ARHGEF10: variants seen among roughly 807,000 people sequenced by gnomAD.
ARHGEF10 encodes the protein Rho guanine nucleotide exchange factor (GEF) 10.
In ARHGEF10, 140 loss-of-function variants were observed where a neutral mutation model predicts 147.4. The ratio of observed to expected loss-of-function variants is 0.95; its 90% CI spans 0.83 to 1.09. The LOEUF is 1.09. Ranked by LOEUF, ARHGEF10 falls within the 50% of genes least tolerant of loss-of-function variation. The pLI is 0.00. For missense variants in ARHGEF10, 2,222 were observed against 1,752.7 expected, an observed-to-expected ratio of 1.27 and a Z score of -4.78; for synonymous variants, 902 against 695.8, an observed-to-expected ratio of 1.30 and a Z score of -4.67.
intron 26 of ARHGEF10, among the ~76,000 whole-genome samples, chr8:1,934,740 GA>G (rs1243056887): frequency 6.6e-6 from 1 of 152,172 alleles, no homozygotes; most frequent in African/African-American, 2.4e-5. Context: ...AAACCTCTAA[GA>G]TAAAAAGCAG....
At chr8:1,832,757 GACAGAGGC>G (rs1488073486) in intron 1 of ARHGEF10, among the ~76,000 whole-genome samples, 3,573 of 95,404 alleles carry the variant, frequency 0.037, 501 homozygotes, top group African/African-American at 0.066. Flanking sequence ...CAGAGACAGA[GACAGAGGC>G]AGAGACAGAG....
At position 1,898,429 on chromosome 8, in the gene ARHGEF10, A is replaced by G. The variant is rs751405047; in HGVS notation, c.1558-4A>G. 1.9e-6 allele frequency: 3 copies of G among 1,613,924 alleles called. No individual in the cohort carries two copies. The highest frequency in any genetic ancestry group is 1.7e-6 in the Non-Finnish European group (2 of 1,179,952). On this transcript the variant is annotated splice_region_variant and splice_polypyrimidine_tract_variant and intron_variant, in intron 14 of 28. Transcript: ENST00000349830. ...GGAGGTGACCCCGGTGCCTTCCCCC[A>G]CAGCAGGAACAGGAGGCCAGCCCCG...
At chr8:1,866,907 C>T (rs1806670223) in intron 6 of ARHGEF10, among the ~76,000 whole-genome samples, 1 of 152,100 alleles carries the variant, frequency 6.6e-6, no homozygotes, top group Non-Finnish European at 1.5e-5. Context: ...AAACTCTGAC[C>T]TGCAGCCATG....
At chr8:1,947,446 C>T (rs1319751894) in intron 27 of ARHGEF10, among the ~76,000 whole-genome samples, 1 of 152,196 alleles carries the variant, frequency 6.6e-6, no homozygotes, top group Non-Finnish European at 1.5e-5. Flanking sequence ...CAGAAAGAAA[C>T]TCCTAATCAA....
At chr8:1,823,906 G>A (rs1802563512), upstream of ARHGEF10, 1 of 151,850 alleles carries the variant, frequency 6.6e-6, no homozygotes, top group African/African-American at 2.4e-5. Context: ...ATGGTGGGTG[G>A]AGCAGGCCGT....
chr8:1,834,877 A>T (rs1803485894), intron 1 of ARHGEF10, among the ~76,000 whole-genome samples: 1 of 152,156 alleles, frequency 6.6e-6, no homozygotes, highest in Admixed American at 6.5e-5. Context: ...ATGTCCAGAG[A>T]CCGCGCAGCC....
chr8:1,907,689 G>C (rs1212676120), intron 17 of ARHGEF10, among the ~76,000 whole-genome samples: 1 of 152,180 alleles, frequency 6.6e-6, no homozygotes, highest in Non-Finnish European at 1.5e-5. Flanking sequence ...CTTACTGCTA[G>C]AGGATTCCTT....
chr8:1,877,166 G>A (rs1198499018), intron 8 of ARHGEF10, among the ~76,000 whole-genome samples: 1 of 152,216 alleles, frequency 6.6e-6, no homozygotes, highest in Non-Finnish European at 1.5e-5. Flanking sequence ...AAAGGAAGAC[G>A]TAAAAATAGA....
intron 10 of ARHGEF10, among the ~76,000 whole-genome samples, chr8:1,884,564 G>A (rs536995730): frequency 3.9e-5 from 6 of 152,224 alleles, no homozygotes; most frequent in South Asian, 2.1e-4. Flanking sequence ...TGGCTGATCC[G>A]TTGATCTCTG....
rs537879050 is a variant in ARHGEF10 at position 1,913,919 on chromosome 8, C to T, written c.2143+4449C>T. Among the ~76,000 whole-genome samples the T allele has an allele frequency of 9.2e-5, 14 of 152,322 alleles. No homozygotes were observed. The South Asian group carries it at 2.7e-3, about 29-fold the overall frequency. On this transcript the variant is annotated intron_variant, in intron 18 of 28. Transcript: ENST00000349830. ...CCGTGAGGAGGGTGAGAGACAGCTCCTGAAACCTCAGGGTCCCTGCTGAGC... is the reference window on the plus strand; with the variant it reads ...CCGTGAGGAGGGTGAGAGACAGCTCTTGAAACCTCAGGGTCCCTGCTGAGC...
At chr8:1,879,505 G>T (rs1216919274) in intron 8 of ARHGEF10, among the ~76,000 whole-genome samples, 1 of 151,912 alleles carries the variant, frequency 6.6e-6, no homozygotes, top group Admixed American at 6.6e-5. Flanking sequence ...CTGGTGTCTG[G>T]ATAGTGTCTG....
chr8:1,941,306 A>G (rs545442477), intron 26 of ARHGEF10, among the ~76,000 whole-genome samples: 3 of 152,236 alleles, frequency 2.0e-5, no homozygotes, highest in Non-Finnish European at 4.4e-5. Context: ...TTAAATTTCT[A>G]TACACTAGCA....
rs1352956955 is a variant in ARHGEF10, at chr8:1,876,744, C to T, written c.843+10C>T. On this transcript the variant is annotated intron_variant, in intron 8 of 28. Transcript: ENST00000349830. The stretch of plus-strand genomic sequence containing the variant: ...CAACCACAAAAAGCAAGTACGTGTT[C>T]CCTGCACATGTGAGGGATGGTTCTC... 1.2e-6 allele frequency: 2 copies of T among 1,613,922 alleles called. No homozygotes were observed. Among genetic ancestry groups the T allele is most frequent in the Non-Finnish European group, 1.7e-6 (2 of 1,179,944 alleles).
chr8:1,910,107 A>G (rs1369455741), intron 18 of ARHGEF10, among the ~76,000 whole-genome samples: 1 of 152,188 alleles, frequency 6.6e-6, no homozygotes, highest in African/African-American at 2.4e-5. Context: ...AAAAAAATCC[A>G]AAGAACGACT....
At position 1,843,414 on chromosome 8, in the gene ARHGEF10, G is replaced by T. The variant is rs1282163504; in HGVS notation, c.15G>T (p.Glu5Asp). ...GGAGCTGCAGCATGGACCAGCGAGA[G>T]CCCCTGCCTCCCGCTCCTGCAGGTA... MDQR[E>D]PLPPAPAENE... Residue 5 changes from glutamate (E) to aspartate (D), a missense_variant, in exon 2 of 29, where the codon GAG (glutamate) becomes GAT (aspartate). Glu to Asp is a conservative substitution (Grantham distance 45). Transcript: ENST00000349830. 1.2e-6 allele frequency: 2 copies of T among 1,613,252 alleles called. No homozygotes were observed. The highest frequency in any genetic ancestry group is 1.7e-6 in the Non-Finnish European group (2 of 1,179,980).
chr8:1,928,611 C>G lies in ARHGEF10; in HGVS notation c.2882C>G (p.Ser961Cys). ...PDPETPAVRA[S>C]DVPTICVGTE... ...CCCGAGACCCCGGCCGTGAGAGCTTCTGATGTCCCCACGATCTGTGTAGGG... is the reference window on the plus strand; with the variant it reads ...CCCGAGACCCCGGCCGTGAGAGCTTGTGATGTCCCCACGATCTGTGTAGGG... Residue 961 changes from serine (S) to cysteine (C), a missense_variant, in exon 24 of 29, where the codon TCT (serine) becomes TGT (cysteine). Coordinates refer to ENST00000349830, the MANE Select transcript of ARHGEF10 (RefSeq NM_014629.4). The G allele has an allele frequency of 1.2e-6, 2 of 1,614,226 alleles. No individual in the cohort carries two copies. The highest frequency in any genetic ancestry group is 1.7e-6 in the Non-Finnish European group (2 of 1,180,044).
chr8:1,867,183 T>C (rs1485630602), intron 6 of ARHGEF10, among the ~76,000 whole-genome samples: 1 of 152,210 alleles, frequency 6.6e-6, no homozygotes, highest in Admixed American at 6.5e-5. Flanking sequence ...TATTTATTTG[T>C]AACTTAAAAA....
chr8:1,945,366 C>G, intron 26 of ARHGEF10, 115 bp from the exon 27 acceptor site: 5 of 1,278,868 alleles, frequency 3.9e-6, no homozygotes, highest in Middle Eastern at 2.2e-4. Flanking sequence ...GGAGCAAAGC[C>G]TGCTACTGTG....
At chr8:1,846,712 G>C (rs1047746933) in intron 2 of ARHGEF10, among the ~76,000 whole-genome samples, 1 of 152,128 alleles carries the variant, frequency 6.6e-6, no homozygotes, top group Non-Finnish European at 1.5e-5. Flanking sequence ...GAGTAGCTGG[G>C]ATTATAGACA....
Sources: allele counts gnomAD v4.1 joint callset (sites outside exome capture counted in the v4.1 genomes callset), GRCh38; gene constraint gnomAD v4.1.1; transcripts MANE v1.5; gene names NCBI Gene and HGNC (gene_info 2026-07-23, HGNC 2026-07-21).